Variants in GALNT18 observed in about 807,000 individuals in gnomAD.
The protein encoded by GALNT18 is GalNAc-transferase 18.
Under a neutral mutation model 69.5 loss-of-function variants are expected in GALNT18, and 44 were observed. The observed-to-expected ratio is 0.63, with a 90% confidence interval of 0.50 to 0.81. GALNT18 has a LOEUF of 0.81. Ranked by LOEUF, GALNT18 falls within the 40% of genes least tolerant of loss-of-function variation. The pLI is 0.00. For missense variants in GALNT18, 715 were observed against 810.0 expected, an observed-to-expected ratio of 0.88 and a Z score of 1.42; for synonymous variants, 364 against 318.2, an observed-to-expected ratio of 1.14 and a Z score of -1.53.
chr11:11,422,931 C>T (rs549235232), intron 3 of GALNT18, among the ~76,000 whole-genome samples: 1 of 152,302 alleles, frequency 6.6e-6, no homozygotes, highest in South Asian at 2.1e-4. Context: ...TTGAAGGTGG[C>T]TCCAGGTAGC....
intron 6 of GALNT18, among the ~76,000 whole-genome samples, chr11:11,365,357 T>C (rs954212967): frequency 1.3e-5 from 2 of 152,252 alleles, no homozygotes; most frequent in Non-Finnish European, 2.9e-5. Context: ...TAGTATTCCA[T>C]GGTGTATATG....
chr11:11,468,870 C>A (rs769386021), intron 1 of GALNT18, among the ~76,000 whole-genome samples: 2 of 152,206 alleles, frequency 1.3e-5, no homozygotes, highest in African/African-American at 2.4e-5. Flanking sequence ...ATACAGGAGT[C>A]CAACAGGCTC....
chr11:11,489,937 C>T (rs964577372), intron 1 of GALNT18, among the ~76,000 whole-genome samples: 1 of 152,094 alleles, frequency 6.6e-6, no homozygotes, highest in African/African-American at 2.4e-5. Context: ...AGGGGTCTGA[C>T]CACTACTCTA....
chr11:11,447,174 G>A (rs1855675101), intron 2 of GALNT18, among the ~76,000 whole-genome samples: 1 of 152,084 alleles, frequency 6.6e-6, no homozygotes, highest in South Asian at 2.1e-4. Flanking sequence ...CTGCCTCAGG[G>A]CCTTTGCACT....
At chr11:11,271,364 G>C (rs534346128) in intron 10 of GALNT18, 74 bp from the exon 11 acceptor site, 1 of 1,508,496 alleles carries the variant, frequency 6.6e-7, no homozygotes, top group East Asian at 2.3e-5. Flanking sequence ...CTCAGGCCAA[G>C]TGGCTGGTGA....
At chr11:11,518,337 A>G (rs2133923831) in intron 1 of GALNT18, among the ~76,000 whole-genome samples, 1 of 152,350 alleles carries the variant, frequency 6.6e-6, no homozygotes, top group East Asian at 1.9e-4. Context: ...AAATGAGAAA[A>G]TTTTAACACA....
At chr11:11,572,322 G>A (rs1858811743) in intron 1 of GALNT18, among the ~76,000 whole-genome samples, 1 of 152,158 alleles carries the variant, frequency 6.6e-6, no homozygotes, top group Non-Finnish European at 1.5e-5. Flanking sequence ...CAAGGGAGGT[G>A]GTATGAGTAA....
At chr11:11,472,955 G>A (rs1035662268) in intron 1 of GALNT18, among the ~76,000 whole-genome samples, 2 of 151,930 alleles carry the variant, frequency 1.3e-5, no homozygotes, top group Admixed American at 1.3e-4. Flanking sequence ...TCAAGCCATG[G>A]CACTCCAGCC....
intron 2 of GALNT18, among the ~76,000 whole-genome samples, chr11:11,447,758 G>A (rs1481498765): frequency 6.6e-6 from 1 of 152,108 alleles, no homozygotes; most frequent in Non-Finnish European, 1.5e-5. Context: ...CAGTATGGGG[G>A]AAACCACCCC....
chr11:11,368,897 G>A (rs957681121), intron 6 of GALNT18, among the ~76,000 whole-genome samples: 4 of 152,140 alleles, frequency 2.6e-5, no homozygotes, highest in African/African-American at 9.7e-5. Flanking sequence ...GTTTTGTGAT[G>A]TTTTTAAAAC....
intron 3 of GALNT18, among the ~76,000 whole-genome samples, chr11:11,422,966 C>G (rs569015306): frequency 6.6e-6 from 1 of 152,274 alleles, no homozygotes; most frequent in Non-Finnish European, 1.5e-5. Flanking sequence ...GAGGCTCAAC[C>G]CATTGTTAGT....
At chr11:11,276,152 T>G (rs1848941646) in intron 10 of GALNT18, among the ~76,000 whole-genome samples, 1 of 152,224 alleles carries the variant, frequency 6.6e-6, no homozygotes, top group African/African-American at 2.4e-5. Context: ...TATTGATTCT[T>G]CCCACCCATG....
chr11:11,301,155 C>T (rs1212242935), intron 9 of GALNT18, among the ~76,000 whole-genome samples: 1 of 152,142 alleles, frequency 6.6e-6, no homozygotes. Context: ...ATCTCTGTGC[C>T]CGTCTTGAGT....
intron 1 of GALNT18, among the ~76,000 whole-genome samples, chr11:11,578,537 T>A (rs1858986842): frequency 6.6e-6 from 1 of 151,992 alleles, no homozygotes; most frequent in East Asian, 1.9e-4. Context: ...TAAGAAGAGG[T>A]TTCCCTTTTA....
At chr11:11,316,189 C>T (rs1307837332) in intron 9 of GALNT18, among the ~76,000 whole-genome samples, 1 of 152,156 alleles carries the variant, frequency 6.6e-6, no homozygotes, top group Non-Finnish European at 1.5e-5. Context: ...AACCACACGC[C>T]ACGGAGTCAT....
rs1247620189 is a variant in GALNT18 at position 11,617,653 on chromosome 11, T to A, written c.235+3706A>T. The stretch of plus-strand genomic sequence containing the variant: ...ATGAATTATGGGCAATTTTATGCAT[T>A]TTTAAATATTTTCTTAAACATTGGC... On this transcript the variant is annotated intron_variant, in intron 1 of 10. Coordinates refer to ENST00000227756, the MANE Select transcript of GALNT18 (RefSeq NM_198516.3). This position sits in a 1 kb window ranked among gnomAD's most constrained non-coding sequence, Gnocchi z 4.7. 6.6e-6 allele frequency among the ~76,000 whole-genome samples: 1 copy of A among 152,236 alleles called. No homozygotes were observed. Among genetic ancestry groups the A allele is most frequent in the African/African-American group, 2.4e-5 (1 of 41,470 alleles).
Position 11,590,556 on chromosome 11 carries a change from GAT to G in GALNT18, c.235+30801_235+30802del, listed in dbSNP as rs1423975680. ...CAGTGCAACAGGGATATACTAGTGA[GAT>G]ATCACTCCCAACTTGCTTTTGAATC... is the stretch of plus-strand genomic sequence containing the variant. On this transcript the variant is annotated intron_variant, in intron 1 of 10. Coordinates refer to ENST00000227756, the MANE Select transcript of GALNT18 (RefSeq NM_198516.3). The surrounding 1 kb of genome is among the most constrained non-coding windows in gnomAD (Gnocchi z 4.4). Among the ~76,000 whole-genome samples, 3 of 152,212 alleles carry G rather than the reference GAT, an allele frequency of 2.0e-5. No individual in the cohort carries two copies. Among genetic ancestry groups the G allele is most frequent in the African/African-American group, 7.2e-5 (3 of 41,460 alleles).
At chr11:11,364,427 T>C (rs1850713445) in intron 6 of GALNT18, among the ~76,000 whole-genome samples, 1 of 152,178 alleles carries the variant, frequency 6.6e-6, no homozygotes, top group South Asian at 2.1e-4. Context: ...ACTACCAATT[T>C]AGATGAAATG....
At chr11:11,336,828 G>A (rs1427878213) in intron 7 of GALNT18, among the ~76,000 whole-genome samples, 2 of 152,202 alleles carry the variant, frequency 1.3e-5, no homozygotes, top group African/African-American at 2.4e-5. Context: ...GGCCTGAAAC[G>A]AGAGTCTGGG....
Sources: allele counts gnomAD v4.1 joint callset (sites outside exome capture counted in the v4.1 genomes callset), GRCh38; gene constraint gnomAD v4.1.1; non-coding constraint Gnocchi (gnomAD v3.1); transcripts MANE v1.5; gene names NCBI Gene and HGNC (gene_info 2026-07-23, HGNC 2026-07-21).